The following TNFAIP8 variants were observed in gnomAD, a reference collection of about 807,000 sequenced individuals.
The protein encoded by TNFAIP8 is TNF alpha induced protein 8, also known as tumor necrosis factor alpha-induced protein 8.
TNFAIP8 carries 7 observed loss-of-function variants against 13.3 expected under a neutral mutation model. That is an observed-to-expected ratio of 0.52 (90% CI 0.30 to 0.99). The LOEUF (loss-of-function observed/expected upper bound fraction) is 0.99. Among genes scored for constraint, TNFAIP8 ranks in the 50% least tolerant of loss-of-function variants. The pLI, the probability that TNFAIP8 is intolerant of heterozygous loss-of-function variation, is 0.07. For synonymous variants in TNFAIP8, 94 were observed against 87.6 expected (o/e 1.07, Z -0.41); for missense variants, 258 against 236.9 (o/e 1.09, Z -0.58).
intron 1 of TNFAIP8, among the ~76,000 whole-genome samples, chr5:119,390,248 G>C (rs2112862843): frequency 6.6e-6 from 1 of 151,966 alleles, no homozygotes; most frequent in East Asian, 1.9e-4. Context: ...ATATATTACT[G>C]AAATCCTGGT....
chr5:119,299,374 C>T (rs1749284700), intron 1 of TNFAIP8, among the ~76,000 whole-genome samples: 1 of 152,186 alleles, frequency 6.6e-6, no homozygotes, highest in African/African-American at 2.4e-5. Context: ...GAGGTCCACT[C>T]CAGACCCAGT....
chr5:119,389,595 C>T (rs1280116059), intron 1 of TNFAIP8, among the ~76,000 whole-genome samples: 3 of 152,128 alleles, frequency 2.0e-5, no homozygotes, highest in African/African-American at 7.2e-5. Flanking sequence ...CATCCCTGGC[C>T]AGCGACTCTC....
chr5:119,338,484 C>G (rs1750633254), intron 1 of TNFAIP8, among the ~76,000 whole-genome samples: 1 of 152,216 alleles, frequency 6.6e-6, no homozygotes. Flanking sequence ...CTATCAGTCA[C>G]CAGACAGGCC....
At chr5:119,316,253 G>C (rs1159922618) in intron 1 of TNFAIP8, 2 of 149,784 alleles carry the variant, frequency 1.3e-5, no homozygotes, top group African/African-American at 4.9e-5. Context: ...TCTAACTCCT[G>C]GGCTCAAGCG....
chr5:119,397,614 ATTGTACTT>A lies in TNFAIP8; in HGVS notation c.*4235_*4242del, dbSNP rs1333706324. The A allele has an allele frequency of 6.6e-6, 1 of 152,230 alleles. No homozygotes were observed. Among genetic ancestry groups the A allele is most frequent in the African/African-American group, 2.4e-5 (1 of 41,460 alleles). The allele number at this position is 152,230 out of a possible 1,614,324, so 9.4% of individuals were successfully genotyped here. A position where few individuals can be genotyped will look rare whatever the true frequency, so the allele number is the denominator to read the frequency against. On this transcript the variant is annotated 3_prime_UTR_variant, in exon 2 of 2. Coordinates refer to ENST00000504771, the MANE Select transcript of TNFAIP8 (RefSeq NM_014350.4). ...AAAATTTTATCCTACCTCTGAAATA[ATTGTACTT>A]TCTGTGATTCAGATAAAAACTTTAT...
At position 119,397,874 on chromosome 5, in the gene TNFAIP8, A is replaced by G. The variant is rs571379584; in HGVS notation, c.*4493A>G. On this transcript the variant is annotated 3_prime_UTR_variant, in exon 2 of 2. Transcript: ENST00000504771. ...TATCTCAGGGAAATTCCAGAAATGG[A>G]AACATTTTTGTGTAATATTGATTCA... 1.3e-4 allele frequency: 20 copies of G among 152,356 alleles called. No homozygotes were observed. Among genetic ancestry groups the G allele is most frequent in the African/African-American group, 4.8e-4 (20 of 41,588 alleles). The allele number at this position is 152,356 out of a possible 1,614,324, so 9.4% of individuals were successfully genotyped here.
chr5:119,269,275 G>A (rs1233312775), intron 1 of TNFAIP8, among the ~76,000 whole-genome samples: 1 of 152,080 alleles, frequency 6.6e-6, no homozygotes, highest in East Asian at 1.9e-4. Flanking sequence ...TCCTGTAACC[G>A]CACATACTGG....
intron 1 of TNFAIP8, among the ~76,000 whole-genome samples, chr5:119,301,891 C>G (rs1561991291): frequency 2.0e-5 from 3 of 152,084 alleles, no homozygotes; most frequent in African/African-American, 7.2e-5. Context: ...TCTCATTTAA[C>G]TTTTTTGTAT....
At chr5:119,296,838 T>A (rs1354159688) in intron 1 of TNFAIP8, among the ~76,000 whole-genome samples, 3 of 152,210 alleles carry the variant, frequency 2.0e-5, no homozygotes, top group East Asian at 3.9e-4. Context: ...TTCAACTTCT[T>A]CCTGGTTTAG....
chr5:119,396,344 A>G lies in TNFAIP8; in HGVS notation c.*2963A>G, dbSNP rs1048218400. 1 of 152,250 alleles carries G rather than the reference A, an allele frequency of 6.6e-6. No individual in the cohort carries two copies. Among genetic ancestry groups the G allele is most frequent in the African/African-American group, 2.4e-5 (1 of 41,470 alleles). The allele number at this position is 152,250 out of a possible 1,614,324, so 9.4% of individuals were successfully genotyped here. ...AAAGACATTTTTCAAAGTTTTCAAC[A>G]TGACTCCTACTTTGGGGGCATCTTG... is the stretch of plus-strand genomic sequence containing the variant. On this transcript the variant is annotated 3_prime_UTR_variant, in exon 2 of 2. Transcript: ENST00000504771.
chr5:119,321,486 T>C (rs1216370625), intron 1 of TNFAIP8, among the ~76,000 whole-genome samples: 1 of 152,152 alleles, frequency 6.6e-6, no homozygotes, highest in African/African-American at 2.4e-5. Context: ...TGTTTTACAT[T>C]TCCACTAGAA....
At chr5:119,347,898 A>G (rs1156551531) in intron 1 of TNFAIP8, among the ~76,000 whole-genome samples, 2 of 152,232 alleles carry the variant, frequency 1.3e-5, no homozygotes, top group Non-Finnish European at 2.9e-5. Flanking sequence ...CAGAAACTCA[A>G]TGCCAAAATC....
chr5:119,351,788 C>CTTTTTTTTTTTTTTTTTTTTTTTTTTTTT (rs1177061965), upstream of TNFAIP8, among the ~76,000 whole-genome samples: 3 of 138,240 alleles, frequency 2.2e-5, no homozygotes, highest in African/African-American at 8.9e-5. Context: ...TTTTCTTTTT[C>CTTTTTTTTTTTTTTTTTTTTTTTTTTTTT]TTTTTTTCTT....
At chr5:119,310,217 C>T (rs796946559) in intron 1 of TNFAIP8, among the ~76,000 whole-genome samples, 4 of 152,190 alleles carry the variant, frequency 2.6e-5, no homozygotes, top group African/African-American at 7.2e-5. Flanking sequence ...GTCACTCTTT[C>T]GCTCCCTGGA....
intron 1 of TNFAIP8, among the ~76,000 whole-genome samples, chr5:119,315,457 CCTTA>C (rs1336143134): frequency 2.7e-5 from 4 of 148,440 alleles, no homozygotes; most frequent in African/African-American, 1.1e-4. Flanking sequence ...GTGTGTGTCT[CCTTA>C]CTTTTTTCTT....
intron 1 of TNFAIP8, among the ~76,000 whole-genome samples, chr5:119,357,394 C>T (rs545409998): frequency 2.0e-5 from 3 of 152,242 alleles, no homozygotes; most frequent in South Asian, 4.1e-4. Context: ...TTTATACCAG[C>T]AGTTTATTCA....
At chr5:119,282,235 G>A (rs10053596) in intron 1 of TNFAIP8, among the ~76,000 whole-genome samples, 120,893 of 152,154 alleles carry the variant, frequency 0.79, 49,146 homozygotes, top group East Asian at 0.98. Context: ...ACTCTCAGTA[G>A]CTGTAGGTTT....
chr5:119,305,005 C>G (rs1749508460), intron 1 of TNFAIP8, among the ~76,000 whole-genome samples: 2 of 152,010 alleles, frequency 1.3e-5, no homozygotes, highest in Non-Finnish European at 2.9e-5. Context: ...AGAGAAAATA[C>G]CACATTCCTG....
chr5:119,292,860 C>T (rs1185606264), intron 1 of TNFAIP8, among the ~76,000 whole-genome samples: 1 of 151,608 alleles, frequency 6.6e-6, no homozygotes, highest in African/African-American at 2.4e-5. Flanking sequence ...AATCTGTAAA[C>T]AGCAAGTGAT....
Sources: gnomAD v4.1 joint callset for allele counts (sites outside exome capture counted in the v4.1 genomes callset) on GRCh38, gnomAD v4.1.1 for gene constraint, MANE v1.5 for transcripts, NCBI Gene and HGNC (gene_info 2026-07-23, HGNC 2026-07-21) for gene names.